The following GALNTL6 variants were observed in gnomAD, a reference collection of about 807,000 sequenced individuals.
GALNTL6 encodes polypeptide N-acetylgalactosaminyltransferase-like 6.
A neutral mutation model predicts 73.7 loss-of-function variants in GALNTL6; 46 were observed. The observed-to-expected ratio is 0.62, with a 90% CI of 0.49 to 0.80. The LOEUF is 0.80. Among genes scored for constraint, GALNTL6 ranks in the 30% least tolerant of loss-of-function variants. GALNTL6 has a pLI of 0.00. For missense variants in GALNTL6, 604 were observed against 755.0 expected (o/e 0.80, Z 2.34); for synonymous variants, 259 against 263.7 (o/e 0.98, Z 0.17).
At chr4:172,344,905 TC>T (rs1741687050) in intron 4 of GALNTL6, among the ~76,000 whole-genome samples, 2 of 152,200 alleles carry the variant, frequency 1.3e-5, no homozygotes, top group Admixed American at 1.3e-4. Context: ...CTTCTGCAGT[TC>T]CTGTCTTTCC....
At chr4:171,951,895 A>G (rs1458484003) in intron 2 of GALNTL6, among the ~76,000 whole-genome samples, 5 of 152,062 alleles carry the variant, frequency 3.3e-5, no homozygotes, top group Admixed American at 1.3e-4. Flanking sequence ...GAACTCTTAC[A>G]GAAATAAGTA....
At chr4:172,179,905 T>C (rs1034706288) in intron 2 of GALNTL6, among the ~76,000 whole-genome samples, 4 of 152,240 alleles carry the variant, frequency 2.6e-5, no homozygotes, top group Non-Finnish European at 2.9e-5. Flanking sequence ...GCAATAAACA[T>C]ACATGTGCAT....
intron 5 of GALNTL6, among the ~76,000 whole-genome samples, chr4:172,650,605 C>T (rs1259563822): frequency 1.3e-5 from 2 of 152,056 alleles, no homozygotes; most frequent in Non-Finnish European, 2.9e-5. Flanking sequence ...CCTTAAAAAC[C>T]TGGCCCAATA....
intron 2 of GALNTL6, among the ~76,000 whole-genome samples, chr4:172,084,541 C>G (rs1731970708): frequency 6.6e-6 from 1 of 152,188 alleles, no homozygotes; most frequent in African/African-American, 2.4e-5. Context: ...GGTGTGATCA[C>G]AAACTGCTCT....
intron 2 of GALNTL6, among the ~76,000 whole-genome samples, chr4:172,127,941 T>TA (rs1432214458): frequency 6.6e-6 from 1 of 151,526 alleles, no homozygotes; most frequent in Non-Finnish European, 1.5e-5. Context: ...CGTCTCTACT[T>TA]AAAAAATACA....
chr4:171,924,082 G>A (rs1737893930), intron 2 of GALNTL6, among the ~76,000 whole-genome samples: 2 of 151,440 alleles, frequency 1.3e-5, no homozygotes, highest in Non-Finnish European at 1.5e-5. Context: ...AGATGCTCAG[G>A]ATGTAGCAGT....
intron 2 of GALNTL6, among the ~76,000 whole-genome samples, chr4:172,222,281 G>A (rs1736701506): frequency 6.6e-6 from 1 of 151,904 alleles, no homozygotes; most frequent in African/African-American, 2.4e-5. Context: ...TCAAGGTGAT[G>A]GAAGCAGGAA....
intron 2 of GALNTL6, among the ~76,000 whole-genome samples, chr4:171,834,409 G>A (rs1051116215): frequency 3.3e-5 from 5 of 151,860 alleles, no homozygotes; most frequent in Admixed American, 6.6e-5. Context: ...ATTGCTTTGC[G>A]ATGGTGTCAC....
intron 5 of GALNTL6, among the ~76,000 whole-genome samples, chr4:172,675,020 T>A (rs1301211870): frequency 1.3e-5 from 2 of 152,236 alleles, no homozygotes; most frequent in African/African-American, 4.8e-5. Context: ...GGAGACATGA[T>A]GCAGTCATTT....
chr4:172,204,979 A>C (rs1394231324), intron 2 of GALNTL6, among the ~76,000 whole-genome samples: 1 of 152,168 alleles, frequency 6.6e-6, no homozygotes, highest in Non-Finnish European at 1.5e-5. Flanking sequence ...ACTGTAGCTT[A>C]TGGTCTGCAT....
chr4:172,982,451 T>C (rs941070221), intron 10 of GALNTL6, among the ~76,000 whole-genome samples: 8 of 152,226 alleles, frequency 5.3e-5, no homozygotes, highest in African/African-American at 1.4e-4. Context: ...TCCTCTAGAA[T>C]TGAGACTGCT....
At chr4:172,986,542 GAC>G (rs1269697983) in intron 10 of GALNTL6, among the ~76,000 whole-genome samples, 3 of 152,104 alleles carry the variant, frequency 2.0e-5, no homozygotes, top group Non-Finnish European at 4.4e-5. Flanking sequence ...GACAAATTGG[GAC>G]ACACACAAAA....
At chr4:171,914,996 C>T (rs1416387813) in intron 2 of GALNTL6, among the ~76,000 whole-genome samples, 1 of 150,208 alleles carries the variant, frequency 6.7e-6, no homozygotes, top group Non-Finnish European at 1.5e-5. Context: ...ATCTATTTTT[C>T]TGGACATGTA....
At chr4:171,939,647 G>T (rs1655640423) in intron 2 of GALNTL6, among the ~76,000 whole-genome samples, 2 of 151,202 alleles carry the variant, frequency 1.3e-5, no homozygotes, top group African/African-American at 4.9e-5. Context: ...GAAAAGAAAT[G>T]GACTATAGAA....
chr4:172,647,681 C>T (rs987297366), intron 5 of GALNTL6, among the ~76,000 whole-genome samples: 17 of 152,066 alleles, frequency 1.1e-4, no homozygotes, highest in Non-Finnish European at 2.5e-4. Context: ...GCTGAACACC[C>T]CTCCTCCCAC....
chr4:172,987,060 T>A (rs1751320180), intron 10 of GALNTL6, among the ~76,000 whole-genome samples: 1 of 152,104 alleles, frequency 6.6e-6, no homozygotes, highest in African/African-American at 2.4e-5. Context: ...GAAACATAAT[T>A]TTTCTCTCTC....
rs141545814 is a variant in GALNTL6, at chr4:172,984,420, A to G, written c.1372-24758A>G. 1.1e-3 allele frequency among the ~76,000 whole-genome samples: 161 copies of G among 152,348 alleles called. 1 individual carries two copies. Among genetic ancestry groups the G allele is most frequent in the African/African-American group, 3.7e-3 (154 of 41,574 alleles). On this transcript the variant is annotated intron_variant, in intron 10 of 12. Coordinates refer to ENST00000506823, the MANE Select transcript of GALNTL6 (RefSeq NM_001034845.3). ...GAACAGCCTGGGGGAAACCGCCCCC[A>G]TGATTCCATTATCTCCACCTGGTCC... is the stretch of plus-strand genomic sequence containing the variant.
At chr4:171,882,650 G>T (rs905809646) in intron 2 of GALNTL6, among the ~76,000 whole-genome samples, 2 of 152,180 alleles carry the variant, frequency 1.3e-5, no homozygotes, top group Admixed American at 6.5e-5. Flanking sequence ...ACGTTTGAGG[G>T]CAGGAAGCAT....
chr4:172,725,136 C>A (rs1288385854), intron 5 of GALNTL6, among the ~76,000 whole-genome samples: 1 of 152,112 alleles, frequency 6.6e-6, no homozygotes, highest in Middle Eastern at 3.2e-3. Context: ...AGGGGTAATT[C>A]TCATCTCCTA....
Sources: gnomAD v4.1 joint callset for allele counts (sites outside exome capture counted in the v4.1 genomes callset) on GRCh38, gnomAD v4.1.1 for gene constraint, MANE v1.5 for transcripts, NCBI Gene and HGNC (gene_info 2026-07-23, HGNC 2026-07-21) for gene names.